OR2L13: variants seen among roughly 807,000 people sequenced by gnomAD.
The protein encoded by OR2L13 is olfactory receptor 2L13.
OR2L13 carries 14 observed loss-of-function variants against 15.3 expected under a neutral mutation model. The ratio of observed to expected loss-of-function variants is 0.91; its 90% CI spans 0.60 to 1.43. The LOEUF is 1.43. Ranked by LOEUF, OR2L13 falls within the 40% of genes most tolerant of loss-of-function variation. The pLI, the probability that OR2L13 is intolerant of heterozygous loss-of-function variation, is 0.00. For missense variants in OR2L13, 367 were observed against 387.9 expected, an observed-to-expected ratio of 0.95 and a Z score of 0.45; for synonymous variants, 152 against 142.9, an observed-to-expected ratio of 1.06 and a Z score of -0.45.
At chr1:248,051,816 T>A in the OR2L13 span, among the ~76,000 whole-genome samples, 1 of 152,132 alleles carries the variant, frequency 6.6e-6, no homozygotes, top group Non-Finnish European at 1.5e-5. Flanking sequence ...AGAACTAAAA[T>A]TGTTGGATCA....
the OR2L13 span, chr1:248,013,801 G>A: frequency 7.2e-5 from 11 of 152,160 alleles, no homozygotes; most frequent in African/African-American, 2.6e-4. Context: ...ACTCTGGCAA[G>A]CGCTTAAGAG....
At chr1:248,038,939 C>T in the OR2L13 span, 1 of 1,614,026 alleles carries the variant, frequency 6.2e-7, no homozygotes, top group African/African-American at 1.3e-5. Flanking sequence ...TCCTTGCTGT[C>T]TACCGCATGC....
the OR2L13 span, among the ~76,000 whole-genome samples, chr1:248,027,974 A>G: frequency 2.0e-5 from 3 of 151,604 alleles, no homozygotes; most frequent in East Asian, 5.8e-4. Flanking sequence ...CCCCGTCTCT[A>G]CTAAAAATAC....
the OR2L13 span, chr1:248,087,378 G>A: frequency 6.6e-6 from 1 of 152,078 alleles, no homozygotes; most frequent in Non-Finnish European, 1.5e-5. Context: ...CTTTACAAAG[G>A]TTACTTTGCA....
chr1:248,079,740 A>G, the OR2L13 span, among the ~76,000 whole-genome samples: 79 of 152,338 alleles, frequency 5.2e-4, no homozygotes, highest in African/African-American at 1.9e-3. Context: ...TGATCCTACA[A>G]CATATATGCA....
At chr1:248,086,927 C>T in the OR2L13 span, among the ~76,000 whole-genome samples, 6 of 151,642 alleles carry the variant, frequency 4.0e-5, no homozygotes, top group African/African-American at 9.7e-5. Flanking sequence ...CTTCTAGGCA[C>T]TTTATTTAGA....
chr1:247,957,291 G>A, the OR2L13 span, among the ~76,000 whole-genome samples: 10 of 152,164 alleles, frequency 6.6e-5, no homozygotes, highest in Non-Finnish European at 1.5e-4. Flanking sequence ...CAGGGATGAA[G>A]CCCACTTGAT....
the OR2L13 span, among the ~76,000 whole-genome samples, chr1:247,973,938 A>T: frequency 6.6e-6 from 1 of 152,210 alleles, no homozygotes; most frequent in Admixed American, 6.5e-5. Flanking sequence ...GTATATACCT[A>T]AAGGATTATA....
chr1:248,065,237 T>C, the OR2L13 span, among the ~76,000 whole-genome samples: 1 of 152,206 alleles, frequency 6.6e-6, no homozygotes, highest in Non-Finnish European at 1.5e-5. Flanking sequence ...ACAGTCATTC[T>C]TTAATTCTTT....
the OR2L13 span, chr1:248,084,320 G>C: frequency 4.9e-5 from 79 of 1,612,334 alleles, no homozygotes; most frequent in South Asian, 7.3e-4. Context: ...CACAGCCAGC[G>C]CGGGAGATGG....
chr1:247,938,786 A>G, the OR2L13 span, among the ~76,000 whole-genome samples: 2 of 152,220 alleles, frequency 1.3e-5, no homozygotes, highest in African/African-American at 4.8e-5. Context: ...GATATTTTAA[A>G]CATTAACCAC....
the OR2L13 span, among the ~76,000 whole-genome samples, chr1:248,026,620 C>T: frequency 2.6e-5 from 4 of 152,118 alleles, no homozygotes; most frequent in East Asian, 1.9e-4. Flanking sequence ...ATGGAGGGAC[C>T]GGCTGAAGCC....
chr1:247,986,425 T>TA, the OR2L13 span, among the ~76,000 whole-genome samples: 3 of 152,196 alleles, frequency 2.0e-5, no homozygotes, highest in Non-Finnish European at 4.4e-5. Flanking sequence ...TGGTTGTAGA[T>TA]ATGCGGCATT....
chr1:248,068,414 G>C, the OR2L13 span, among the ~76,000 whole-genome samples: 45 of 150,886 alleles, frequency 3.0e-4, no homozygotes, highest in East Asian at 3.5e-3. Context: ...CTAGCAAACT[G>C]CAACAGACCT....
exon 3 of OR2L13, chr1:248,100,473 A>G (rs1329770723): frequency 2.7e-6 from 1 of 372,084 alleles, no homozygotes; most frequent in Non-Finnish European, 5.0e-6. Flanking sequence ...ATTCAAAACA[A>G]TGTTATAATT....
chr1:248,047,561 GT>G, the OR2L13 span, among the ~76,000 whole-genome samples: 1 of 152,204 alleles, frequency 6.6e-6, no homozygotes, highest in East Asian at 1.9e-4. Flanking sequence ...TCCAGATTTT[GT>G]TTTTACACGC....
the OR2L13 span, among the ~76,000 whole-genome samples, chr1:247,998,578 C>T: frequency 6.6e-6 from 1 of 151,990 alleles, no homozygotes; most frequent in Non-Finnish European, 1.5e-5. Flanking sequence ...CTAGAAAGTA[C>T]TAGTGTTGTC....
At chr1:247,985,647 A>G in the OR2L13 span, among the ~76,000 whole-genome samples, 6 of 152,152 alleles carry the variant, frequency 3.9e-5, no homozygotes, top group Admixed American at 3.9e-4. Flanking sequence ...GCTGGGTCAA[A>G]TGGTATTTCT....
At chr1:248,002,983 C>T in the OR2L13 span, 1 of 578,046 alleles carries the variant, frequency 1.7e-6, no homozygotes, top group Admixed American at 3.0e-5. Context: ...GGACCTGGGC[C>T]TTTTCTTTGG....
Sources: allele counts gnomAD v4.1 joint callset (sites outside exome capture counted in the v4.1 genomes callset), GRCh38; gene constraint gnomAD v4.1.1; transcripts MANE v1.5; gene names NCBI Gene and HGNC (gene_info 2026-07-23, HGNC 2026-07-21).